The following SLAIN2 variants were observed in gnomAD, a reference collection of about 807,000 sequenced individuals.
The protein encoded by SLAIN2 is SLAIN motif-containing protein 2.
In SLAIN2, 31 loss-of-function variants were observed where a neutral mutation model predicts 56.6. That is an observed-to-expected ratio of 0.55 (90% CI 0.41 to 0.74). SLAIN2 has a LOEUF of 0.74. Among genes scored for constraint, SLAIN2 ranks in the 30% least tolerant of loss-of-function variants. The probability of loss-of-function intolerance (pLI) is 0.00; values close to 1 mark genes in which losing one functional copy is unlikely to be tolerated. For synonymous variants in SLAIN2, 317 were observed against 284.9 expected (o/e 1.11, Z -1.13); for missense variants, 777 against 754.2 (o/e 1.03, Z -0.35).
Position 48,344,351 on chromosome 4 carries a change from A to T in SLAIN2, c.389+2223A>T, listed in dbSNP as rs140212243. On this transcript the variant is annotated intron_variant, in intron 1 of 7. Transcript: ENST00000264313. ...ATATTTTTTCCTTTCTTAGCAAGCT[A>T]AGAATCTACCTTTTGTAACTTCTAG... Among the ~76,000 whole-genome samples the T allele has an allele frequency of 1.3e-3, 194 of 152,330 alleles. 7 individuals carry two copies. The South Asian group carries it at 0.038, about 30-fold the overall frequency.
intron 2 of SLAIN2, among the ~76,000 whole-genome samples, chr4:48,376,720 C>G (rs1325873592): frequency 6.9e-6 from 1 of 145,724 alleles, no homozygotes; most frequent in East Asian, 2.1e-4. Context: ...CTCCCGGGTT[C>G]ACGCCATTCT....
chr4:48,381,405 A>G (rs1226597012), intron 4 of SLAIN2, among the ~76,000 whole-genome samples: 1 of 151,950 alleles, frequency 6.6e-6, no homozygotes, highest in African/African-American at 2.4e-5. Context: ...TGTGTTTTGT[A>G]ATGATTAGAA....
intron 1 of SLAIN2, among the ~76,000 whole-genome samples, chr4:48,353,996 G>T (rs996307134): frequency 3.3e-5 from 5 of 152,122 alleles, no homozygotes; most frequent in African/African-American, 1.2e-4. Flanking sequence ...TATTTTGAGG[G>T]TTTTTGGGGG....
intron 6 of SLAIN2, among the ~76,000 whole-genome samples, chr4:48,403,231 C>T (rs1367531887): frequency 6.6e-6 from 1 of 151,870 alleles, no homozygotes; most frequent in Admixed American, 6.6e-5. Context: ...GTCTGGCTGC[C>T]CTTTTGTGGA....
intron 6 of SLAIN2, among the ~76,000 whole-genome samples, chr4:48,396,918 G>T (rs1716407073): frequency 6.6e-6 from 1 of 152,182 alleles, no homozygotes; most frequent in African/African-American, 2.4e-5. Context: ...TTTGTTGAAT[G>T]AATATAGTCA....
chr4:48,384,617 A>G (rs537549667), intron 6 of SLAIN2, among the ~76,000 whole-genome samples: 16 of 152,340 alleles, frequency 1.1e-4, no homozygotes, highest in Middle Eastern at 3.4e-3. Context: ...TTAGAAGTAT[A>G]GTAGAAAGAA....
chr4:48,362,295 A>G (rs952641344), intron 1 of SLAIN2, among the ~76,000 whole-genome samples: 1 of 152,146 alleles, frequency 6.6e-6, no homozygotes, highest in Non-Finnish European at 1.5e-5. Flanking sequence ...TGGTATTGGC[A>G]TTATTTCCTT....
At chr4:48,394,056 T>C (rs565398306) in intron 6 of SLAIN2, among the ~76,000 whole-genome samples, 12 of 152,182 alleles carry the variant, frequency 7.9e-5, no homozygotes, top group Non-Finnish European at 1.2e-4. Flanking sequence ...CAAGATGATA[T>C]TGAACATATT....
At chr4:48,394,563 T>C (rs773566941) in intron 6 of SLAIN2, 1 of 1,535,264 alleles carries the variant, frequency 6.5e-7, no homozygotes, top group South Asian at 1.2e-5. Context: ...TACAGTTCCT[T>C]ATTTTTCAAC....
At chr4:48,354,136 TAAA>T (rs371083135) in intron 1 of SLAIN2, among the ~76,000 whole-genome samples, 2 of 148,636 alleles carry the variant, frequency 1.3e-5, no homozygotes, top group Non-Finnish European at 1.5e-5. Flanking sequence ...ACTTTCAAAT[TAAA>T]AAAAAAAGTT....
intron 6 of SLAIN2, among the ~76,000 whole-genome samples, chr4:48,386,719 C>T (rs1716110542): frequency 6.6e-6 from 1 of 152,030 alleles, no homozygotes; most frequent in African/African-American, 2.4e-5. Flanking sequence ...AACAGGAATT[C>T]ACAAAACACT....
chr4:48,406,997 C>G (rs770136282), intron 6 of SLAIN2, among the ~76,000 whole-genome samples: 15 of 151,988 alleles, frequency 9.9e-5, no homozygotes, highest in Non-Finnish European at 1.9e-4. Flanking sequence ...AGCTGATTTT[C>G]CCAGATTCGG....
intron 1 of SLAIN2, among the ~76,000 whole-genome samples, chr4:48,342,725 T>TTTTTG (rs1714753346): frequency 6.9e-6 from 1 of 144,032 alleles, no homozygotes; most frequent in Non-Finnish European, 1.5e-5. Flanking sequence ...TTTTTTTTTT[T>TTTTTG]TTTTTTTTTT....
At chr4:48,406,051 T>C (rs1716685310) in intron 6 of SLAIN2, among the ~76,000 whole-genome samples, 1 of 152,212 alleles carries the variant, frequency 6.6e-6, no homozygotes, top group Non-Finnish European at 1.5e-5. Context: ...CCAAGTCTTT[T>C]TGACACAACT....
chr4:48,375,036 T>G (rs193182512), intron 2 of SLAIN2, among the ~76,000 whole-genome samples: 93 of 152,170 alleles, frequency 6.1e-4, no homozygotes, highest in African/African-American at 2.1e-3. Context: ...GACTAGAAAT[T>G]TAAATAATGA....
chr4:48,370,274 GT>G (rs1234110131), intron 2 of SLAIN2, among the ~76,000 whole-genome samples: 2 of 152,062 alleles, frequency 1.3e-5, no homozygotes, highest in Non-Finnish European at 2.9e-5. Context: ...TCTAATACAA[GT>G]TAAATAACTA....
At chr4:48,418,240 G>A (rs1164578943) in intron 6 of SLAIN2, among the ~76,000 whole-genome samples, 4 of 150,932 alleles carry the variant, frequency 2.7e-5, no homozygotes, top group African/African-American at 9.8e-5. Flanking sequence ...CTTGTTCCTG[G>A]TCTTAGGGGA....
intron 6 of SLAIN2, among the ~76,000 whole-genome samples, chr4:48,393,622 TAGG>T (rs1716290185): frequency 6.6e-6 from 1 of 152,206 alleles, no homozygotes; most frequent in Non-Finnish European, 1.5e-5. Flanking sequence ...GCAGCCTAGC[TAGG>T]TTTAGAGTGA....
intron 1 of SLAIN2, among the ~76,000 whole-genome samples, chr4:48,358,964 G>A (rs1448554221): frequency 2.0e-5 from 3 of 151,882 alleles, no homozygotes; most frequent in South Asian, 2.1e-4. Flanking sequence ...CGGGTGATCC[G>A]CCTGCCTCAG....
Sources: gnomAD v4.1 joint callset for allele counts (sites outside exome capture counted in the v4.1 genomes callset) on GRCh38, gnomAD v4.1.1 for gene constraint, MANE v1.5 for transcripts, NCBI Gene and HGNC (gene_info 2026-07-23, HGNC 2026-07-21) for gene names.